The following ANXA6 variants were observed in gnomAD, a reference collection of about 807,000 sequenced individuals.
ANXA6 encodes the protein annexin A6.
In ANXA6, 71 loss-of-function variants were observed where a neutral mutation model predicts 95.4. The observed-to-expected ratio is 0.74, with a 90% confidence interval of 0.61 to 0.91. The LOEUF (loss-of-function observed/expected upper bound fraction) is 0.91. Among genes scored for constraint, ANXA6 ranks in the 40% least tolerant of loss-of-function variants. ANXA6 has a pLI of 0.00. For missense variants in ANXA6, 830 were observed against 876.4 expected, an observed-to-expected ratio of 0.95 and a Z score of 0.67; for synonymous variants, 289 against 315.9, an observed-to-expected ratio of 0.91 and a Z score of 0.90.
At chr5:151,151,761 C>T (rs1473647839) in intron 1 of ANXA6, among the ~76,000 whole-genome samples, 5 of 152,192 alleles carry the variant, frequency 3.3e-5, no homozygotes, top group African/African-American at 4.8e-5. Flanking sequence ...CATCTCCACC[C>T]GCCAATATGC....
At chr5:151,134,010 G>T (rs1765589558) in intron 8 of ANXA6, among the ~76,000 whole-genome samples, 1 of 152,164 alleles carries the variant, frequency 6.6e-6, no homozygotes, top group Non-Finnish European at 1.5e-5. Flanking sequence ...GGCATGTACT[G>T]GGTACTCAAA....
chr5:151,148,214 G>A (rs1209578338), intron 1 of ANXA6, among the ~76,000 whole-genome samples: 1 of 152,026 alleles, frequency 6.6e-6, no homozygotes, highest in Non-Finnish European at 1.5e-5. Flanking sequence ...CACTAGGCAG[G>A]GTACCTGTCT....
At chr5:151,127,048 C>T (rs1359014427) in intron 13 of ANXA6, among the ~76,000 whole-genome samples, 1 of 152,256 alleles carries the variant, frequency 6.6e-6, no homozygotes, top group East Asian at 1.9e-4. Context: ...GCCTTCCTGG[C>T]TGCAGAGTCC....
intron 13 of ANXA6, among the ~76,000 whole-genome samples, chr5:151,127,954 T>C (rs1179894243): frequency 6.6e-6 from 1 of 151,890 alleles, no homozygotes; most frequent in Non-Finnish European, 1.5e-5. Flanking sequence ...AGAGCAGACA[T>C]CTCCATATAC....
Position 151,138,736 on chromosome 5 carries a change from A to G in ANXA6, c.260T>C (p.Val87Ala). Residue 87 changes from valine (V) to alanine (A), a missense_variant, in exon 5 of 26, where the codon GTG becomes GCG. Transcript: ENST00000354546. ...ATAGGCAGGTGGCCTCATCAGGCCC[A>G]CAATCAACCGTTCAAACTTGCCCGT... The part of the protein sequence containing the change: ...ELTGKFERLI[V>A]GLMRPPAYCD... 6.2e-7 allele frequency: 1 copy of G among 1,613,990 alleles called. No homozygotes were observed. The highest frequency in any genetic ancestry group is 8.5e-7 in the Non-Finnish European group (1 of 1,179,868).
intron 11 of ANXA6, 80 bp from the exon 12 acceptor site, chr5:151,129,609 C>G (rs1765435727): frequency 6.9e-7 from 1 of 1,456,088 alleles, no homozygotes; most frequent in South Asian, 1.3e-5. Flanking sequence ...GTTGAAAATC[C>G]TATTTTCATA....
chr5:151,156,638 TCA>T (rs1766244368), intron 1 of ANXA6, among the ~76,000 whole-genome samples: 1 of 152,162 alleles, frequency 6.6e-6, no homozygotes, highest in Admixed American at 6.5e-5. Context: ...TTTGGAATTG[TCA>T]GAGAAGACCC....
chr5:151,141,670 G>T (rs1411716870), intron 2 of ANXA6: 1 of 985,432 alleles, frequency 1.0e-6, no homozygotes. Context: ...GCAGAGGCTG[G>T]CTCCTCTGAG....
At chr5:151,108,370 C>A in intron 23 of ANXA6, 85 bp downstream of exon 23, 1 of 1,260,470 alleles carries the variant, frequency 7.9e-7, no homozygotes, top group Non-Finnish European at 1.2e-6. Context: ...GTAGTAGCTT[C>A]GGAGGCTGCC....
At chr5:151,138,649 C>G (rs1327608680) in intron 5 of ANXA6, 29 bp downstream of exon 5, 4 of 1,542,342 alleles carry the variant, frequency 2.6e-6, no homozygotes, top group Non-Finnish European at 3.6e-6. Context: ...CATCCCCACC[C>G]CAACACCACA....
intron 17 of ANXA6, among the ~76,000 whole-genome samples, chr5:151,121,657 G>A (rs1176644437): frequency 1.3e-5 from 2 of 152,174 alleles, no homozygotes; most frequent in Non-Finnish European, 2.9e-5. Flanking sequence ...GTCTAGGCTG[G>A]AGTACAGACT....
chr5:151,127,476 T>G (rs936971564), intron 13 of ANXA6, among the ~76,000 whole-genome samples: 4 of 152,220 alleles, frequency 2.6e-5, no homozygotes, highest in Admixed American at 6.5e-5. Flanking sequence ...TTCGGACATA[T>G]GAATGAATCA....
rs530397347 is a variant in ANXA6, at chr5:151,127,252, G to C, written c.978-772C>G. ...TCTGCTGAACTGCATCAACCCCTAT[G>C]GTCCTTACCAAAGGTTCACAGGAAA... On this transcript the variant is annotated intron_variant, in intron 13 of 25. Coordinates refer to ENST00000354546, the MANE Select transcript of ANXA6 (RefSeq NM_001155.5). 9.8e-5 allele frequency among the ~76,000 whole-genome samples: 15 copies of C among 152,290 alleles called. No individual in the cohort carries two copies. The South Asian group carries it at 2.9e-3, about 29-fold the overall frequency.
chr5:151,143,267 C>T (rs556507168), intron 2 of ANXA6, among the ~76,000 whole-genome samples: 1 of 152,264 alleles, frequency 6.6e-6, no homozygotes, highest in South Asian at 2.1e-4. Flanking sequence ...TAAGAAGGGA[C>T]AACCACCACA....
chr5:151,146,518 T>C (rs1765979422), intron 2 of ANXA6, among the ~76,000 whole-genome samples: 1 of 152,140 alleles, frequency 6.6e-6, no homozygotes. Flanking sequence ...GGGGCAGTCA[T>C]GATGTCAAGG....
chr5:151,147,908 C>T lies in ANXA6; in HGVS notation c.-7G>A, dbSNP rs755049482. Reference sequence around the variant, plus strand: ...CCTGTGCTGGTTTGGCCATGGTCTCCGGTTCGCAGCAGAATCCACTGTAGA... The same window carrying T: ...CCTGTGCTGGTTTGGCCATGGTCTCTGGTTCGCAGCAGAATCCACTGTAGA... On this transcript the variant is annotated 5_prime_UTR_variant, in exon 2 of 26. Coordinates refer to ENST00000354546, the MANE Select transcript of ANXA6 (RefSeq NM_001155.5). 15 of 1,602,114 alleles carry T rather than the reference C, an allele frequency of 9.4e-6. No homozygotes were observed. Among genetic ancestry groups the T allele is most frequent in the Admixed American group, 5.1e-5 (3 of 58,680 alleles).
chr5:151,118,067 T>C (rs1313680278), intron 18 of ANXA6, among the ~76,000 whole-genome samples: 1 of 152,126 alleles, frequency 6.6e-6, no homozygotes, highest in East Asian at 1.9e-4. Flanking sequence ...CTCAGCTCTG[T>C]CCCAGTTGAG....
At chr5:151,127,909 A>G (rs941908687) in intron 13 of ANXA6, among the ~76,000 whole-genome samples, 1 of 152,200 alleles carries the variant, frequency 6.6e-6, no homozygotes, top group African/African-American at 2.4e-5. Flanking sequence ...TCTGGTTCCT[A>G]GTCCACAACC....
intron 7 of ANXA6, 64 bp downstream of exon 7, chr5:151,136,192 A>G: frequency 3.3e-6 from 5 of 1,518,746 alleles, no homozygotes; most frequent in Non-Finnish European, 4.6e-6. Flanking sequence ...TCAGATCTAC[A>G]CCCAGATGAG....
Sources: gnomAD v4.1 joint callset for allele counts (sites outside exome capture counted in the v4.1 genomes callset) on GRCh38, gnomAD v4.1.1 for gene constraint, MANE v1.5 for transcripts, NCBI Gene and HGNC (gene_info 2026-07-23, HGNC 2026-07-21) for gene names.